Variants in MSH3 observed in about 807,000 individuals in gnomAD.
The protein encoded by MSH3 is mutS homolog 3.
In MSH3, 106 loss-of-function variants were observed where a neutral mutation model predicts 123.3. The observed-to-expected ratio is 0.86, with a 90% CI of 0.73 to 1.01. The LOEUF is 1.01. Ranked by LOEUF, MSH3 falls within the 50% of genes least tolerant of loss-of-function variation. The probability of loss-of-function intolerance (pLI) is 0.00; values close to 1 mark genes in which losing one functional copy is unlikely to be tolerated. For synonymous variants in MSH3, 515 were observed against 481.4 expected, an observed-to-expected ratio of 1.07 and a Z score of -0.91; for missense variants, 1,459 against 1,347.6, an observed-to-expected ratio of 1.08 and a Z score of -1.29.
chr5:80,837,730 A>G (rs915257922), intron 20 of MSH3, among the ~76,000 whole-genome samples: 15 of 152,228 alleles, frequency 9.9e-5, no homozygotes, highest in South Asian at 6.2e-4. Flanking sequence ...CAAATTTAGC[A>G]GCTTGAGCAA....
intron 20 of MSH3, among the ~76,000 whole-genome samples, chr5:80,843,575 T>C (rs935907801): frequency 6.6e-6 from 1 of 152,222 alleles, no homozygotes; most frequent in Admixed American, 6.5e-5. Context: ...ATTGCCTCAA[T>C]TTCAGAACCT....
chr5:80,672,692 C>A, intron 5 of MSH3, 49 bp from the exon 6 acceptor site: 1 of 1,428,812 alleles, frequency 7.0e-7, no homozygotes, highest in Non-Finnish European at 9.9e-7. Flanking sequence ...TGAGTTTTTA[C>A]AAGTCATTTT....
In MSH3 at chr5:80,691,964, T is replaced by C. The variant is rs944412576; in HGVS notation, c.1340+12871T>C. 2.7e-5 allele frequency among the ~76,000 whole-genome samples: 2 copies of C among 74,254 alleles called. 1 individual carries two copies. The highest frequency in any genetic ancestry group is 2.9e-4 in the Admixed American group (2 of 6,894). The allele number at this position is 74,254 out of a possible 152,430, so 48.7% of individuals were successfully genotyped here. On this transcript the variant is annotated intron_variant, in intron 8 of 23. Coordinates refer to ENST00000265081, the MANE Select transcript of MSH3 (RefSeq NM_002439.5). ...ATATGTTTATATAGATAAACATGTA[T>C]ATGTTTATATAGATAAACATGTATA...
chr5:80,847,845 G>A (rs6151910), intron 20 of MSH3, among the ~76,000 whole-genome samples: 4,427 of 152,226 alleles, frequency 0.029, 204 homozygotes, highest in African/African-American at 0.097. Flanking sequence ...CATGGTCTCC[G>A]TGTTTTAAAT....
At chr5:80,808,746 G>C (rs1744946401) in intron 19 of MSH3, among the ~76,000 whole-genome samples, 1 of 151,140 alleles carries the variant, frequency 6.6e-6, no homozygotes. Flanking sequence ...TGATTGTATA[G>C]TTTTAAAAGC....
chr5:80,724,276 G>T (rs1260693251), intron 8 of MSH3, among the ~76,000 whole-genome samples: 16 of 152,188 alleles, frequency 1.1e-4, no homozygotes, highest in African/African-American at 3.9e-4. Flanking sequence ...AGAAGGAGTT[G>T]TAGCTAGGTC....
chr5:80,670,171 C>G lies in MSH3; in HGVS notation c.654C>G (p.Ser218=), dbSNP rs1749672324. 5 of 1,613,928 alleles carry G rather than the reference C, an allele frequency of 3.1e-6. No homozygotes were observed. Among genetic ancestry groups the G allele is most frequent in the Non-Finnish European group, 3.4e-6 (4 of 1,179,992 alleles). Residue 218 remains serine (S), a synonymous_variant, in exon 4 of 24, where the codon TCC becomes TCG. Transcript: ENST00000265081. ...ATGAAAATTTACAGAAAACTGCTTC[C>G]AAATCAGCTAACAAACGGTCCAAAA... ...TSHENLQKTA[S]KSANKRSKSI... is the part of the protein sequence containing the mutation.
chr5:80,825,946 G>T (rs1334206558), intron 20 of MSH3, among the ~76,000 whole-genome samples: 3 of 152,176 alleles, frequency 2.0e-5, no homozygotes, highest in Non-Finnish European at 4.4e-5. Flanking sequence ...CAGGCTTCCT[G>T]CTATCAGCCA....
At chr5:80,694,557 T>TGGG in intron 8 of MSH3, among the ~76,000 whole-genome samples, 1 of 152,266 alleles carries the variant, frequency 6.6e-6, no homozygotes, top group African/African-American at 2.4e-5. Flanking sequence ...TTCCTATTGC[T>TGGG]TACCTTGCTG....
intron 8 of MSH3, among the ~76,000 whole-genome samples, chr5:80,683,693 G>A (rs1561441270): frequency 6.6e-6 from 1 of 152,120 alleles, no homozygotes; most frequent in Non-Finnish European, 1.5e-5. Context: ...CTGTGCAGAA[G>A]CTTTTTAACT....
In MSH3 at chr5:80,832,268, G is replaced by C. The variant is rs138060036; in HGVS notation, c.2813+18527G>C. Among the ~76,000 whole-genome samples, 510 of 152,240 alleles carry C rather than the reference G, an allele frequency of 3.3e-3. 1 individual carries two copies. Among genetic ancestry groups the C allele is most frequent in the African/African-American group, 0.012 (483 of 41,540 alleles). The stretch of plus-strand genomic sequence containing the variant: ...AGTTTTCCAGGATGGGGAAAGGGGA[G>C]AGTAAAGAGTTACTCTTAATGGATA... On this transcript the variant is annotated intron_variant, in intron 20 of 23. Transcript: ENST00000265081.
At position 80,854,319 on chromosome 5, in the gene MSH3, A is replaced by C; in HGVS notation, c.3000+3A>C. ...CACTTGAGTATTTCATCAGAGATGT[A>C]AGTATCCGGTAAACTGTATTTAAAA... On this transcript the variant is annotated splice_donor_region_variant and intron_variant, in intron 21 of 23. Coordinates refer to ENST00000265081, the MANE Select transcript of MSH3 (RefSeq NM_002439.5). The C allele has an allele frequency of 6.2e-7, 1 of 1,611,814 alleles. No individual in the cohort carries two copies. Among genetic ancestry groups the C allele is most frequent in the African/African-American group, 1.3e-5 (1 of 75,022 alleles).
At chr5:80,658,225 A>G (rs1749338175) in intron 2 of MSH3, among the ~76,000 whole-genome samples, 2 of 149,402 alleles carry the variant, frequency 1.3e-5, no homozygotes, top group Non-Finnish European at 3.0e-5. Flanking sequence ...CACCTGGCTA[A>G]TTTTTGTATT....
intron 8 of MSH3, among the ~76,000 whole-genome samples, chr5:80,721,389 C>A (rs899701853): frequency 1.3e-5 from 2 of 152,188 alleles, no homozygotes; most frequent in Non-Finnish European, 2.9e-5. Flanking sequence ...AGTTCTCAAG[C>A]CCCTTCAGGC....
At chr5:80,665,687 C>G (rs550045352) in intron 3 of MSH3, among the ~76,000 whole-genome samples, 2 of 152,220 alleles carry the variant, frequency 1.3e-5, no homozygotes, top group African/African-American at 2.4e-5. Flanking sequence ...TTACAGTCTT[C>G]CTTAGAGTTT....
Position 80,675,154 on chromosome 5 carries a change from A to G in MSH3, c.1173+26A>G, listed in dbSNP as rs1373868767. The G allele has an allele frequency of 4.3e-6, 7 of 1,611,926 alleles. No homozygotes were observed. In the Admixed American group the frequency reaches 1.0e-4, roughly 23 times the overall value. On this transcript the variant is annotated intron_variant, in intron 7 of 23. Coordinates refer to ENST00000265081, the MANE Select transcript of MSH3 (RefSeq NM_002439.5). The stretch of plus-strand genomic sequence containing the variant: ...GTAAGTACTTTGCAGGTGAGGAACA[A>G]ATGTTAGATGTTCATGGTATCTCTA...
At chr5:80,729,006 A>G in intron 10 of MSH3, 41 bp downstream of exon 10, 1 of 1,103,556 alleles carries the variant, frequency 9.1e-7, no homozygotes. Flanking sequence ...GGGAGCTTAT[A>G]TTATGAACAT....
chr5:80,819,469 T>C (rs889833357), intron 20 of MSH3, among the ~76,000 whole-genome samples: 102 of 135,416 alleles, frequency 7.5e-4, no homozygotes, highest in African/African-American at 3.0e-3. Flanking sequence ...TGTGTGTGTA[T>C]ATATATATAT....
intron 19 of MSH3, among the ~76,000 whole-genome samples, chr5:80,801,907 A>G (rs1452529447): frequency 1.3e-5 from 2 of 152,186 alleles, no homozygotes; most frequent in African/African-American, 4.8e-5. Context: ...TTCTTTATTC[A>G]TGTTTATACT....
Sources: gnomAD v4.1 joint callset for allele counts (sites outside exome capture counted in the v4.1 genomes callset) on GRCh38, gnomAD v4.1.1 for gene constraint, MANE v1.5 for transcripts, NCBI Gene and HGNC (gene_info 2026-07-23, HGNC 2026-07-21) for gene names.